The following MMP27 variants were observed in gnomAD, a reference collection of about 807,000 sequenced individuals.
MMP27 encodes matrix metalloproteinase-27.
MMP27 carries 51 observed loss-of-function variants against 48.1 expected under a neutral mutation model. The observed-to-expected ratio is 1.06, with a 90% CI of 0.85 to 1.34. MMP27 has a LOEUF of 1.34. MMP27 is among the 40% of genes most tolerant of loss of function. The pLI is 0.00. For synonymous variants in MMP27, 229 were observed against 208.9 expected, an observed-to-expected ratio of 1.10 and a Z score of -0.83; for missense variants, 698 against 619.3, an observed-to-expected ratio of 1.13 and a Z score of -1.35.
chr11:102,698,525 T>C (rs1860876841), intron 4 of MMP27, among the ~76,000 whole-genome samples: 1 of 152,110 alleles, frequency 6.6e-6, no homozygotes, highest in Non-Finnish European at 1.5e-5. Context: ...CTACAGTATA[T>C]GTGATCATGT....
chr11:102,702,204 C>T (rs903667614), intron 4 of MMP27, among the ~76,000 whole-genome samples: 3 of 152,190 alleles, frequency 2.0e-5, no homozygotes, highest in African/African-American at 4.8e-5. Context: ...AGGTCTGATT[C>T]CTTTGCAGCT....
At chr11:102,694,865 C>A (rs751878911) in intron 7 of MMP27, 102 bp downstream of exon 7, 3 of 1,322,376 alleles carry the variant, frequency 2.3e-6, no homozygotes, top group South Asian at 1.4e-5. Flanking sequence ...AAAAGCCCTG[C>A]GCCTTGGCTC....
At chr11:102,702,649 G>C in intron 4 of MMP27, 104 bp downstream of exon 4, 1 of 1,308,150 alleles carries the variant, frequency 7.6e-7, no homozygotes, top group Non-Finnish European at 1.1e-6. Context: ...AAATTGTGGG[G>C]ACATTGGGAA....
At chr11:102,702,570 T>C (rs1018711320) in intron 4 of MMP27, among the ~76,000 whole-genome samples, 183 bp downstream of exon 4, 2 of 152,198 alleles carry the variant, frequency 1.3e-5, no homozygotes, top group Non-Finnish European at 1.5e-5. Flanking sequence ...ACTGCTCTGA[T>C]CATAGTAGAA....
intron 3 of MMP27, 21 bp downstream of exon 3, chr11:102,702,949 G>T: frequency 6.2e-7 from 1 of 1,612,358 alleles, no homozygotes; most frequent in East Asian, 2.2e-5. Context: ...AAATAGCTTT[G>T]CTCTCTGTTG....
intron 1 of MMP27, 52 bp downstream of exon 1, chr11:102,705,561 A>G: frequency 8.2e-7 from 1 of 1,223,004 alleles, no homozygotes; most frequent in Non-Finnish European, 1.1e-6. Context: ...AAGAGAATCA[A>G]TAAAATAAGC....
Position 102,704,888 on chromosome 11 carries a change from A to G in MMP27, c.103-113T>C, listed in dbSNP as rs113764420. 1,286 of 632,416 alleles carry G rather than the reference A, an allele frequency of 2.0e-3. 6 individuals are homozygous for G. The highest frequency in any genetic ancestry group is 2.9e-3 in the Non-Finnish European group (1,079 of 366,006). The allele number at this position is 632,416 out of a possible 1,614,324, so 39.2% of individuals were successfully genotyped here. A position where few individuals can be genotyped will look rare whatever the true frequency, so the allele number is the denominator to read the frequency against. On this transcript the variant is annotated intron_variant, in intron 1 of 9. Coordinates refer to ENST00000260229, the MANE Select transcript of MMP27 (RefSeq NM_022122.3). ...ATTCCTTCTGGCAATAGGAAAGGGG[A>G]AAAAAAAGAAGTAATGAGAGAAAGT...
chr11:102,696,906 A>T, intron 4 of MMP27, 71 bp from the exon 5 acceptor site: 1 of 1,481,552 alleles, frequency 6.7e-7, no homozygotes, highest in East Asian at 2.3e-5. Context: ...TGAGATTAGA[A>T]AGTAACTAAG....
intron 9 of MMP27, 72 bp from the exon 10 acceptor site, chr11:102,692,082 A>G: frequency 7.4e-7 from 1 of 1,343,406 alleles, no homozygotes; most frequent in South Asian, 1.8e-5. Flanking sequence ...AATTTTATAA[A>G]CATGGAAAAA....
Position 102,705,668 on chromosome 11 carries a change from G to T in MMP27, c.47C>A (p.Ser16Tyr). The T allele has an allele frequency of 6.2e-7, 1 of 1,607,128 alleles. No homozygotes were observed. Among genetic ancestry groups the T allele is most frequent in the Non-Finnish European group, 8.5e-7 (1 of 1,177,630 alleles). Residue 16 changes from serine (S) to tyrosine (Y), a missense_variant, in exon 1 of 10, where the codon TCT (serine) becomes TAT (tyrosine). Coordinates refer to ENST00000260229, the MANE Select transcript of MMP27 (RefSeq NM_022122.3). ...CGTCATCCGGACTAAGGGAAATGCA[G>T]AAGAAAATGTTATAAAGAACAAAAA... ...LLFLFFITFS[S>Y]AFPLVRMTEN...
intron 4 of MMP27, among the ~76,000 whole-genome samples, chr11:102,699,311 A>G (rs571371379): frequency 6.6e-6 from 1 of 152,124 alleles, no homozygotes; most frequent in Admixed American, 6.6e-5. Context: ...TACTAAAGAA[A>G]AAAAAAATTA....
At chr11:102,701,251 G>A (rs1860934504) in intron 4 of MMP27, among the ~76,000 whole-genome samples, 1 of 151,956 alleles carries the variant, frequency 6.6e-6, no homozygotes, top group Admixed American at 6.6e-5. Context: ...TTTATCTCTT[G>A]CCTTGCTCAA....
At position 102,695,018 on chromosome 11, in the gene MMP27, C is replaced by T; in HGVS notation, c.982G>A (p.Asp328Asn). 1 of 1,613,968 alleles carries T rather than the reference C, an allele frequency of 6.2e-7. No individual in the cohort carries two copies. ...GGGTTCTCGTATGCAGCTTGCAGATCAGCTGGCAGAGATGGCCAGAATGAA... is the reference window on the plus strand; with the variant it reads ...GGGTTCTCGTATGCAGCTTGCAGATTAGCTGGCAGAGATGGCCAGAATGAA... ...IASFWPSLPA[D>N]LQAAYENPRD... Residue 328 changes from aspartate to asparagine, a missense_variant, in exon 7 of 10, where the codon GAT (aspartate) becomes AAT (asparagine). Physicochemically the swap from Asp to Asn is conservative, Grantham distance 23. Transcript: ENST00000260229.
intron 4 of MMP27, among the ~76,000 whole-genome samples, chr11:102,699,948 T>C (rs1860907509): frequency 6.6e-6 from 1 of 152,258 alleles, no homozygotes; most frequent in African/African-American, 2.4e-5. Context: ...GTTCTCAGGC[T>C]TGACATAGCT....
chr11:102,694,859 G>C (rs1860793913), intron 7 of MMP27, 108 bp downstream of exon 7: 1 of 1,266,424 alleles, frequency 7.9e-7, no homozygotes, highest in Non-Finnish European at 1.1e-6. Context: ...GAGAGCAAAA[G>C]CCCTGCGCCT....
At position 102,691,644 on chromosome 11, in the gene MMP27, G is replaced by T; in HGVS notation, c.*122C>A. 2.5e-6 allele frequency: 2 copies of T among 806,600 alleles called. No individual in the cohort carries two copies. The highest frequency in any genetic ancestry group is 3.7e-6 in the Non-Finnish European group (2 of 538,356). 50.0% of individuals were successfully genotyped at this position (806,600 alleles called of 1,614,324 possible). ...TAAAAGAATCAGGCAGCTCAAAATG[G>T]CCATTGAATTTGGATATTTAGAACT... On this transcript the variant is annotated 3_prime_UTR_variant, in exon 10 of 10. Coordinates refer to ENST00000260229, the MANE Select transcript of MMP27 (RefSeq NM_022122.3).
intron 1 of MMP27, 31 bp downstream of exon 1, chr11:102,705,582 T>C: frequency 2.3e-6 from 3 of 1,306,020 alleles, no homozygotes; most frequent in Admixed American, 2.5e-5. Flanking sequence ...TTTTTATCAA[T>C]AGTCATCGAT....
At chr11:102,694,927 C>T (rs1448163083) in intron 7 of MMP27, 40 bp downstream of exon 7, 1 of 1,609,382 alleles carries the variant, frequency 6.2e-7, no homozygotes, top group African/African-American at 1.3e-5. Context: ...TTAGTTCAGG[C>T]AGCCAGAGGG....
intron 9 of MMP27, 80 bp downstream of exon 9, chr11:102,692,858 C>A: frequency 8.7e-7 from 1 of 1,153,492 alleles, no homozygotes; most frequent in Non-Finnish European, 1.3e-6. Context: ...AAAATAAAAG[C>A]ATTTAAGTTT....
Sources: gnomAD v4.1 joint callset for allele counts (sites outside exome capture counted in the v4.1 genomes callset) on GRCh38, gnomAD v4.1.1 for gene constraint, MANE v1.5 for transcripts, NCBI Gene and HGNC (gene_info 2026-07-23, HGNC 2026-07-21) for gene names.